The following CCSER1 variants were observed in gnomAD, a reference collection of about 807,000 sequenced individuals.
CCSER1 encodes coiled-coil serine rich protein 1, also known as serine-rich coiled-coil domain-containing protein 1.
A neutral mutation model predicts 82.0 loss-of-function variants in CCSER1; 41 were observed. The observed-to-expected ratio is 0.50, with a 90% CI of 0.39 to 0.65. The LOEUF is 0.65. Among genes scored for constraint, CCSER1 ranks in the 30% least tolerant of loss-of-function variants. The pLI, the probability that CCSER1 is intolerant of heterozygous loss-of-function variation, is 0.00. For synonymous variants in CCSER1, 414 were observed against 383.9 expected (o/e 1.08, Z -0.92); for missense variants, 1,119 against 1,064.2 (o/e 1.05, Z -0.72).
chr4:91,033,285 G>A (rs1741145988), intron 9 of CCSER1, among the ~76,000 whole-genome samples: 1 of 152,194 alleles, frequency 6.6e-6, no homozygotes, highest in Non-Finnish European at 1.5e-5. Context: ...CAGAGCCCAT[G>A]TGGAGCTGGA....
chr4:91,193,008 G>C (rs896364965), intron 10 of CCSER1, among the ~76,000 whole-genome samples: 1 of 151,716 alleles, frequency 6.6e-6, no homozygotes, highest in Non-Finnish European at 1.5e-5. Flanking sequence ...CTTTGTCTAC[G>C]ATCCTTCCTC....
At chr4:91,469,962 A>C (rs1372007772) in intron 10 of CCSER1, among the ~76,000 whole-genome samples, 1 of 152,160 alleles carries the variant, frequency 6.6e-6, no homozygotes, top group Non-Finnish European at 1.5e-5. Context: ...AAGCTATGAA[A>C]CTCATTCCTA....
chr4:90,298,410 G>T (rs1732430118), intron 1 of CCSER1, among the ~76,000 whole-genome samples: 1 of 151,376 alleles, frequency 6.6e-6, no homozygotes, highest in Non-Finnish European at 1.5e-5. Context: ...CTTGCTAGTG[G>T]TCTATCAATT....
intron 10 of CCSER1, among the ~76,000 whole-genome samples, chr4:91,418,249 A>C (rs1753485081): frequency 6.6e-6 from 1 of 151,598 alleles, no homozygotes; most frequent in Non-Finnish European, 1.5e-5. Context: ...AAATAAATGA[A>C]ATAGAGACTA....
intron 4 of CCSER1, among the ~76,000 whole-genome samples, chr4:90,434,775 T>G (rs753003930): frequency 2.0e-5 from 3 of 152,162 alleles, no homozygotes; most frequent in Non-Finnish European, 2.9e-5. Context: ...TATTAGTAGT[T>G]GGGGATTTGG....
At chr4:90,477,616 A>G (rs1435340857) in intron 5 of CCSER1, among the ~76,000 whole-genome samples, 2 of 150,988 alleles carry the variant, frequency 1.3e-5, no homozygotes, top group Non-Finnish European at 2.9e-5. Flanking sequence ...TTATTTGCCC[A>G]TTTTTAAAAG....
rs1223439095 is a variant in CCSER1, at chr4:91,594,380, CACACATATATACATATAT to C, written c.2218-4178_2218-4161del. Among the ~76,000 whole-genome samples, 316 of 136,462 alleles carry C rather than the reference CACACATATATACATATAT, an allele frequency of 2.3e-3. 5 individuals carry two copies. Among genetic ancestry groups the C allele is most frequent in the East Asian group, 0.012 (63 of 5,084 alleles). The allele number at this position is 136,462 out of a possible 152,430, so 89.5% of individuals were successfully genotyped here. A position where few individuals can be genotyped will look rare whatever the true frequency, so the allele number is the denominator to read the frequency against. ...ACACATATATATACACATATATATA[CACACATATATACATATAT>C]ACACATATATACACATATATATACA... On this transcript the variant is annotated intron_variant, in intron 10 of 10. Coordinates refer to ENST00000509176, the MANE Select transcript of CCSER1 (RefSeq NM_001145065.2).
At chr4:91,288,446 C>T (rs2149215163) in intron 10 of CCSER1, among the ~76,000 whole-genome samples, 1 of 151,868 alleles carries the variant, frequency 6.6e-6, no homozygotes, top group South Asian at 2.1e-4. Context: ...ACAACAACAA[C>T]AAAAAGGTTA....
chr4:90,535,372 C>T (rs1193223534), intron 5 of CCSER1, among the ~76,000 whole-genome samples: 1 of 151,832 alleles, frequency 6.6e-6, no homozygotes, highest in Non-Finnish European at 1.5e-5. Context: ...ATCATTTGAG[C>T]CCAGGAATTT....
chr4:90,151,756 GT>G (rs1337683402), intron 1 of CCSER1, among the ~76,000 whole-genome samples: 1 of 152,038 alleles, frequency 6.6e-6, no homozygotes, highest in Non-Finnish European at 1.5e-5. Flanking sequence ...TAAGCACTCA[GT>G]TATTTAGTAT....
chr4:91,257,745 G>C (rs1456141179), intron 10 of CCSER1, among the ~76,000 whole-genome samples: 1 of 152,072 alleles, frequency 6.6e-6, no homozygotes, highest in Non-Finnish European at 1.5e-5. Context: ...TTCTGAATTA[G>C]AATGGTTCAC....
intron 5 of CCSER1, among the ~76,000 whole-genome samples, chr4:90,546,505 A>G (rs1171023658): frequency 6.6e-6 from 1 of 152,122 alleles, no homozygotes; most frequent in Non-Finnish European, 1.5e-5. Flanking sequence ...TTTCCTAGAT[A>G]TGACTTAGTA....
chr4:91,587,367 G>T (rs77565900), intron 10 of CCSER1, among the ~76,000 whole-genome samples: 5,469 of 151,648 alleles, frequency 0.036, 132 homozygotes, highest in Middle Eastern at 0.076. Flanking sequence ...ACTTCAATCT[G>T]GGGAATCCAG....
intron 10 of CCSER1, among the ~76,000 whole-genome samples, chr4:91,444,768 A>T (rs2149411308): frequency 6.6e-6 from 1 of 152,328 alleles, no homozygotes; most frequent in Admixed American, 6.5e-5. Context: ...CTTCAAGCTA[A>T]TGGACCACTG....
intron 1 of CCSER1, among the ~76,000 whole-genome samples, chr4:90,184,262 A>G (rs945000801): frequency 1.3e-5 from 2 of 152,148 alleles, no homozygotes; most frequent in African/African-American, 2.4e-5. Context: ...CTCTCATTTG[A>G]AGCAAAACAC....
intron 10 of CCSER1, among the ~76,000 whole-genome samples, chr4:91,464,473 G>A (rs962402943): frequency 5.3e-5 from 8 of 152,034 alleles, no homozygotes; most frequent in South Asian, 2.1e-4. Flanking sequence ...AGCTAACATC[G>A]TAATGACAGG....
chr4:91,429,981 ATG>A (rs1350644890), intron 10 of CCSER1, among the ~76,000 whole-genome samples: 1 of 152,006 alleles, frequency 6.6e-6, no homozygotes, highest in African/African-American at 2.4e-5. Context: ...TTCACTAGCA[ATG>A]TGTTTATAGC....
chr4:90,399,203 T>A (rs1212873210), intron 3 of CCSER1, among the ~76,000 whole-genome samples: 1 of 152,126 alleles, frequency 6.6e-6, no homozygotes. Context: ...TATTCCTTCT[T>A]CAGCAATTCC....
intron 3 of CCSER1, among the ~76,000 whole-genome samples, chr4:90,356,599 T>C (rs1744414344): frequency 1.3e-5 from 2 of 151,720 alleles, no homozygotes; most frequent in Non-Finnish European, 3.0e-5. Context: ...ACCTCATAGA[T>C]ATGAAGTGAG....
Sources: gnomAD v4.1 joint callset for allele counts (sites outside exome capture counted in the v4.1 genomes callset) on GRCh38, gnomAD v4.1.1 for gene constraint, MANE v1.5 for transcripts, NCBI Gene and HGNC (gene_info 2026-07-23, HGNC 2026-07-21) for gene names.